Variants in ESAM observed in about 807,000 individuals in gnomAD.
ESAM encodes the protein endothelial cell adhesion molecule.
A neutral mutation model predicts 31.8 loss-of-function variants in ESAM; 23 were observed. That is an observed-to-expected ratio of 0.72 (90% CI 0.52 to 1.03). The LOEUF (loss-of-function observed/expected upper bound fraction) is 1.03. ESAM is among the 50% of genes least tolerant of loss of function. The pLI is 0.00. For synonymous variants in ESAM, 216 were observed against 207.2 expected (o/e 1.04, Z -0.37); for missense variants, 478 against 488.9 (o/e 0.98, Z 0.21).
chr11:124,760,422 G>A (rs1386761569), intron 1 of ESAM, among the ~76,000 whole-genome samples: 4 of 152,360 alleles, frequency 2.6e-5, no homozygotes, highest in South Asian at 2.1e-4. Flanking sequence ...AGAGCGAAAT[G>A]GGCCCGCTCC....
rs1053346121 is a variant in ESAM at position 124,759,256 on chromosome 11, C to A, written c.71-729G>T. Reference sequence around the variant, plus strand: ...GGCAAGGAATTAAGGGCAGCGCGAACGACGGTCTCTAGACAAGTATGAAGC... The same window carrying A: ...GGCAAGGAATTAAGGGCAGCGCGAAAGACGGTCTCTAGACAAGTATGAAGC... On this transcript the variant is annotated intron_variant, in intron 1 of 6. Coordinates refer to ENST00000278927, the MANE Select transcript of ESAM (RefSeq NM_138961.3). This position sits in a 1 kb window ranked among gnomAD's most constrained non-coding sequence, Gnocchi z 6.8. 2.0e-5 allele frequency: 3 copies of A among 152,258 alleles called. No homozygotes were observed. The highest frequency in any genetic ancestry group is 4.4e-5 in the Non-Finnish European group (3 of 68,096). The allele number at this position is 152,258 out of a possible 1,614,324, so 9.4% of individuals were successfully genotyped here. A position where few individuals can be genotyped will look rare whatever the true frequency, so the allele number is the denominator to read the frequency against.
At position 124,756,367 on chromosome 11, in the gene ESAM, G is replaced by T. The variant is rs1365842479; in HGVS notation, c.452-5C>A. The T allele has an allele frequency of 1.9e-6, 3 of 1,597,760 alleles. No homozygotes were observed. The highest frequency in any genetic ancestry group is 2.6e-6 in the Non-Finnish European group (3 of 1,171,706). On this transcript the variant is annotated splice_region_variant and splice_polypyrimidine_tract_variant and intron_variant, in intron 3 of 6. Transcript: ENST00000278927. ...AGGATGGAGGAGCTGGAGGAACTGGGCAGGGGGAGACAGATTAAAACCACA... is the reference window on the plus strand; with the variant it reads ...AGGATGGAGGAGCTGGAGGAACTGGTCAGGGGGAGACAGATTAAAACCACA...
rs1187398232 is a variant in ESAM, at chr11:124,756,576, C to T, written c.416G>A (p.Gly139Asp). 6 of 1,614,018 alleles carry T rather than the reference C, an allele frequency of 3.7e-6. No homozygotes were observed. In the African/African-American group the frequency reaches 6.7e-5, roughly 18 times the overall value. ...NVQDKQGKSRGHSIKTLELNV... is the reference protein window; with the variant it reads ...NVQDKQGKSRDHSIKTLELNV... ...GAGTTCTAAGGTTTTGATGCTGTGG[C>T]CCCTAGATTTGCCTTGTTTGTCTTG... The change falls in exon 3 of 7, where the codon GGC becomes GAC. Residue 139 changes from glycine to aspartate, a missense_variant. Transcript: ENST00000278927.
In ESAM at chr11:124,753,613, C is replaced by A; in HGVS notation, c.*33G>T. On this transcript the variant is annotated 3_prime_UTR_variant, in exon 7 of 7. Transcript: ENST00000278927. ...GGTGACCCTTATAGGAAGGAGAGAC[C>A]CCAAATCCTTTAGCCAATGAGTGGT... 6.2e-7 allele frequency: 1 copy of A among 1,611,544 alleles called. No homozygotes were observed. Among genetic ancestry groups the A allele is most frequent in the Non-Finnish European group, 8.5e-7 (1 of 1,179,684 alleles).
In ESAM at chr11:124,754,300, G is replaced by A. The variant is rs1944129196; in HGVS notation, c.771C>T (p.Thr257=). The change falls in exon 6 of 7, where the codon ACC becomes ACT. Residue 257 remains threonine, a synonymous_variant. Coordinates refer to ENST00000278927, the MANE Select transcript of ESAM (RefSeq NM_138961.3). This position sits in a 1 kb window ranked among gnomAD's most constrained non-coding sequence, Gnocchi z 4.5. ...CAGCCAGCAACCCCAGTCCAACCAG[G>A]GTACCCACAACAGCTCCAGCAACCA... ...AAVVAGAVVG[T]LVGLGLLAGL... 6.2e-7 allele frequency: 1 copy of A among 1,613,930 alleles called. No individual in the cohort carries two copies. Among genetic ancestry groups the A allele is most frequent in the Non-Finnish European group, 8.5e-7 (1 of 1,180,016 alleles).
Position 124,762,269 on chromosome 11 carries a change from AG to A in ESAM, c.-116del. On this transcript the variant is annotated 5_prime_UTR_variant, in exon 1 of 7. Coordinates refer to ENST00000278927, the MANE Select transcript of ESAM (RefSeq NM_138961.3). This position sits in a 1 kb window ranked among gnomAD's most constrained non-coding sequence, Gnocchi z 6.4. ...CGCGGGAGCCGAGCCGCTGACACCC[AG>A]GGCGGCTCCAGCCCAAGTCTGCGCG... The A allele has an allele frequency of 1.3e-6, 1 of 793,260 alleles. No individual in the cohort carries two copies. The highest frequency in any genetic ancestry group is 1.9e-6 in the Non-Finnish European group (1 of 523,916). The allele number at this position is 793,260 out of a possible 1,614,324, so 49.1% of individuals were successfully genotyped here. A position where few individuals can be genotyped will look rare whatever the true frequency, so the allele number is the denominator to read the frequency against.
chr11:124,761,379 C>T (rs1455509918), intron 1 of ESAM, among the ~76,000 whole-genome samples: 3 of 152,210 alleles, frequency 2.0e-5, no homozygotes, highest in African/African-American at 7.2e-5. Flanking sequence ...TTCCCTTCCT[C>T]TCTGACCCTT....
In ESAM at chr11:124,759,651, C is replaced by G. The variant is rs1944203703; in HGVS notation, c.71-1124G>C. On this transcript the variant is annotated intron_variant, in intron 1 of 6. Coordinates refer to ENST00000278927, the MANE Select transcript of ESAM (RefSeq NM_138961.3). The surrounding 1 kb of genome is among the most constrained non-coding windows in gnomAD (Gnocchi z 6.8). ...AGGCCTCTAAGGGCTGGGAGCCGAT[C>G]CGGCCAGGATGCAAGCCTCCCCCAC... Among the ~76,000 whole-genome samples the G allele has an allele frequency of 3.3e-5, 5 of 152,258 alleles. No homozygotes were observed. Among genetic ancestry groups the G allele is most frequent in the Admixed American group, 6.5e-5 (1 of 15,294 alleles).
rs550393885 is a variant in ESAM, at chr11:124,760,664, C to G, written c.70+1421G>C. Among the ~76,000 whole-genome samples, 10 of 152,356 alleles carry G rather than the reference C, an allele frequency of 6.6e-5. No homozygotes were observed. In the East Asian group the frequency reaches 1.2e-3, roughly 18 times the overall value. On this transcript the variant is annotated intron_variant, in intron 1 of 6. Coordinates refer to ENST00000278927, the MANE Select transcript of ESAM (RefSeq NM_138961.3). ...AACCCCCCAGGGGGACCGATTGGAA[C>G]TTTTGAGTCCAGGTCTTCAGTCTGA...
intron 1 of ESAM, among the ~76,000 whole-genome samples, chr11:124,760,708 TG>T (rs146754719): frequency 0.014 from 2,135 of 152,314 alleles, 18 homozygotes; most frequent in Non-Finnish European, 0.019. Flanking sequence ...GGCTCAAAGC[TG>T]GGGTAGGACA....
rs370810863 is a variant in ESAM, at chr11:124,753,801, G to A, written c.1018C>T (p.Gln340Ter). 6.2e-7 allele frequency: 1 copy of A among 1,613,722 alleles called. No homozygotes were observed. Among genetic ancestry groups the A allele is most frequent in the Non-Finnish European group, 8.5e-7 (1 of 1,179,812 alleles). Residue 340 changes from glutamine to a stop codon, truncating the protein, a stop_gained, in exon 7 of 7, where the codon CAG becomes TAG. Coordinates refer to ENST00000278927, the MANE Select transcript of ESAM (RefSeq NM_138961.3). LOFTEE classifies it low-confidence loss of function (END_TRUNC). ...GGCAGTCTTGGTGAGGGCAGGGCCT[G>A]GCTGGAGAGACTGGGCGTGGGGGTC... ...ALTPTPSLSS[Q>*]ALPSPRLPTT...
At position 124,754,518 on chromosome 11, in the gene ESAM, T is replaced by A; in HGVS notation, c.730+123A>T. 6.6e-7 allele frequency: 1 copy of A among 1,512,234 alleles called. No individual in the cohort carries two copies. The highest frequency in any genetic ancestry group is 1.3e-5 in the South Asian group (1 of 75,818). The allele number at this position is 1,512,234 out of a possible 1,614,324, so 93.7% of individuals were successfully genotyped here. On this transcript the variant is annotated intron_variant, in intron 5 of 6. Coordinates refer to ENST00000278927, the MANE Select transcript of ESAM (RefSeq NM_138961.3). This position sits in a 1 kb window ranked among gnomAD's most constrained non-coding sequence, Gnocchi z 4.5. ...ACTGACCAACCATTTGTACAAACAT[T>A]TGATCAGGGGAAGCTCCGTGCCCTG...
chr11:124,760,366 C>T (rs1394865102), intron 1 of ESAM, among the ~76,000 whole-genome samples: 1 of 152,268 alleles, frequency 6.6e-6, no homozygotes. Context: ...TTCCGGCCCA[C>T]AGCCCTCTCC....
At chr11:124,761,836 G>A (rs1199535553) in intron 1 of ESAM, among the ~76,000 whole-genome samples, 1 of 151,880 alleles carries the variant, frequency 6.6e-6, no homozygotes, top group Non-Finnish European at 1.5e-5. Context: ...TCACCCCAGA[G>A]GTATCCAGGT....
chr11:124,761,908 C>T (rs1944234982), intron 1 of ESAM, among the ~76,000 whole-genome samples, 177 bp downstream of exon 1: 1 of 152,114 alleles, frequency 6.6e-6, no homozygotes, highest in African/African-American at 2.4e-5. Flanking sequence ...TGGGGGCTGT[C>T]CCCGACAAAG....
At chr11:124,758,659 C>G (rs1180896776) in intron 1 of ESAM, 132 bp from the exon 2 acceptor site, 6 of 1,072,440 alleles carry the variant, frequency 5.6e-6, no homozygotes, top group Non-Finnish European at 7.8e-6. Flanking sequence ...CGGGGTCCGG[C>G]CCCTGGAGGC....
chr11:124,753,686 A>G lies in ESAM; in HGVS notation c.1133T>C (p.Val378Ala). The change falls in exon 7 of 7, where the codon GTG becomes GCG. Residue 378 changes from valine to alanine, a missense_variant. By Grantham distance (64) the Val-to-Ala change is moderately conservative. Transcript: ENST00000278927. ...AGCTTGACTCTGGGCAGGCACCATC[A>G]CAGGCACAGCACCCATGCGGCTCAA... ...SGLSRMGAVP[V>A]MVPAQSQAGS... The G allele has an allele frequency of 6.2e-7, 1 of 1,613,948 alleles. No homozygotes were observed. The highest frequency in any genetic ancestry group is 1.3e-5 in the African/African-American group (1 of 75,040).
Position 124,756,626 on chromosome 11 carries a change from G to A in ESAM, c.366C>T (p.Gly122=). 6.2e-7 allele frequency: 1 copy of A among 1,614,148 alleles called. No individual in the cohort carries two copies. Among genetic ancestry groups the A allele is most frequent in the Non-Finnish European group, 8.5e-7 (1 of 1,180,024 alleles). Residue 122 remains glycine, a synonymous_variant, in exon 3 of 7, where the codon GGC becomes GGT. Coordinates refer to ENST00000278927, the MANE Select transcript of ESAM (RefSeq NM_138961.3). ...RLEGLQEKDS[G]PYSCSVNVQD... ...GCACATTCACGGAGCAGCTGTAGGG[G>A]CCAGAGTCTTTCTCCTGGAGACCCT...
chr11:124,761,806 T>G (rs1944232833), intron 1 of ESAM, among the ~76,000 whole-genome samples: 1 of 150,292 alleles, frequency 6.7e-6, no homozygotes, highest in African/African-American at 2.4e-5. Flanking sequence ...GTGGACAGGG[T>G]GAGGAATGGT....
Sources: allele counts gnomAD v4.1 joint callset (sites outside exome capture counted in the v4.1 genomes callset), GRCh38; gene constraint gnomAD v4.1.1; non-coding constraint Gnocchi (gnomAD v3.1); transcripts MANE v1.5; gene names NCBI Gene and HGNC (gene_info 2026-07-23, HGNC 2026-07-21).